The following PACRG variants were observed in gnomAD, a reference collection of about 807,000 sequenced individuals.
PACRG encodes the protein parkin coregulated gene protein.
In PACRG, 29 loss-of-function variants were observed where a neutral mutation model predicts 29.7. The observed-to-expected ratio is 0.98, with a 90% CI of 0.73 to 1.33. The LOEUF (loss-of-function observed/expected upper bound fraction) is 1.33, where lower values mean the gene tolerates loss of function less well. Ranked by LOEUF, PACRG falls within the 40% of genes most tolerant of loss-of-function variation. The pLI is 0.00. For synonymous variants in PACRG, 116 were observed against 118.7 expected, an observed-to-expected ratio of 0.98 and a Z score of 0.15; for missense variants, 279 against 316.2, an observed-to-expected ratio of 0.88 and a Z score of 0.89.
intron 4 of PACRG, among the ~76,000 whole-genome samples, chr6:163,156,167 G>A (rs79788215): frequency 0.011 from 1,734 of 152,284 alleles, 54 homozygotes; most frequent in East Asian, 0.085. Context: ...CTCCATCAGG[G>A]CTGTCAGCCA....
chr6:162,754,601 G>A (rs1024517916), intron 1 of PACRG, among the ~76,000 whole-genome samples: 2 of 151,624 alleles, frequency 1.3e-5, no homozygotes, highest in African/African-American at 4.8e-5. Flanking sequence ...ACCCTTTCAG[G>A]TCTTATAGTT....
intron 2 of PACRG, among the ~76,000 whole-genome samples, chr6:162,922,091 A>G (rs1431880728): frequency 1.3e-5 from 2 of 151,668 alleles, no homozygotes; most frequent in African/African-American, 2.4e-5. Context: ...CTCCCTTACT[A>G]TGAGTTGGTG....
chr6:163,253,628 A>G (rs561019235), intron 4 of PACRG, among the ~76,000 whole-genome samples: 7 of 152,254 alleles, frequency 4.6e-5, no homozygotes, highest in Admixed American at 3.3e-4. Flanking sequence ...GGTCAAATCT[A>G]CCCTAGAAAG....
intron 2 of PACRG, among the ~76,000 whole-genome samples, chr6:162,861,195 C>T (rs971865440): frequency 2.6e-5 from 4 of 152,146 alleles, no homozygotes; most frequent in Non-Finnish European, 4.4e-5. Context: ...TAAATCAGCT[C>T]GAAGTGTAGA....
At chr6:162,806,863 A>G (rs1786384427) in intron 1 of PACRG, among the ~76,000 whole-genome samples, 1 of 152,164 alleles carries the variant, frequency 6.6e-6, no homozygotes, top group African/African-American at 2.4e-5. Flanking sequence ...TATCCTCAGT[A>G]GCTTTAGCAG....
intron 2 of PACRG, among the ~76,000 whole-genome samples, chr6:162,823,655 G>A (rs1788031157): frequency 6.6e-6 from 1 of 151,816 alleles, no homozygotes; most frequent in Non-Finnish European, 1.5e-5. Flanking sequence ...GGGACTACAG[G>A]CGCCCGCCAC....
chr6:162,800,884 T>C (rs1785797525), intron 1 of PACRG, among the ~76,000 whole-genome samples: 1 of 152,008 alleles, frequency 6.6e-6, no homozygotes, highest in South Asian at 2.1e-4. Flanking sequence ...GTTAGAAAGG[T>C]GTAGAAGGAA....
chr6:163,059,461 A>G (rs1157769207), intron 2 of PACRG, among the ~76,000 whole-genome samples: 2 of 152,220 alleles, frequency 1.3e-5, no homozygotes, highest in East Asian at 1.9e-4. Flanking sequence ...TGATAAATAA[A>G]CCAGTTATAG....
intron 1 of PACRG, among the ~76,000 whole-genome samples, chr6:162,785,584 C>T (rs1387045156): frequency 2.1e-4 from 15 of 72,354 alleles, no homozygotes; most frequent in Admixed American, 3.4e-4. Flanking sequence ...TGAAGGGGTG[C>T]GGGGGTTGGG....
intron 4 of PACRG, among the ~76,000 whole-genome samples, chr6:163,237,924 G>A (rs1782317262): frequency 6.6e-6 from 1 of 152,160 alleles, no homozygotes; most frequent in African/African-American, 2.4e-5. Flanking sequence ...ATATTTTCAT[G>A]TGTTATTTAT....
intron 4 of PACRG, among the ~76,000 whole-genome samples, chr6:163,260,295 C>T (rs908645667): frequency 1.3e-5 from 2 of 152,210 alleles, no homozygotes; most frequent in Non-Finnish European, 2.9e-5. Context: ...TCATTTCCTG[C>T]GAGGGGAGCT....
intron 2 of PACRG, among the ~76,000 whole-genome samples, chr6:162,881,964 G>GGGT (rs754404776): frequency 7.6e-6 from 1 of 131,346 alleles, no homozygotes; most frequent in Non-Finnish European, 1.6e-5. Flanking sequence ...AGATGGGTGG[G>GGGT]GGGGGGCACT....
chr6:163,062,684 C>T (rs555980550), intron 3 of PACRG, among the ~76,000 whole-genome samples: 38 of 152,120 alleles, frequency 2.5e-4, no homozygotes, highest in Non-Finnish European at 2.9e-5. Context: ...TTATAAACAC[C>T]GTTATGTTGA....
At chr6:163,095,333 G>A in intron 4 of PACRG, 1 of 985,304 alleles carries the variant, frequency 1.0e-6, no homozygotes, top group Non-Finnish European at 1.2e-6. Flanking sequence ...CTTCTCTGTA[G>A]ACCTCCCTGG....
At position 162,892,136 on chromosome 6, in the gene PACRG, A is replaced by G. The variant is rs550620402; in HGVS notation, c.291+77855A>G. On this transcript the variant is annotated intron_variant, in intron 2 of 4. Transcript: ENST00000366888. Reference sequence around the variant, plus strand: ...GTTACTGTCCCAGTCTGGTCAGCCAACTTCAGCCACACCACCAGTCCGCTT... The same window carrying G: ...GTTACTGTCCCAGTCTGGTCAGCCAGCTTCAGCCACACCACCAGTCCGCTT... The G allele has an allele frequency of 2.0e-5, 3 of 152,520 alleles. No individual in the cohort carries two copies. In the South Asian group the frequency reaches 6.2e-4, roughly 32 times the overall value. The allele number at this position is 152,520 out of a possible 1,614,324, so 9.4% of individuals were successfully genotyped here. A position where few individuals can be genotyped will look rare whatever the true frequency, so the allele number is the denominator to read the frequency against.
intron 2 of PACRG, among the ~76,000 whole-genome samples, chr6:163,037,960 ATAC>A (rs1808360667): frequency 6.6e-6 from 1 of 152,274 alleles, no homozygotes; most frequent in African/African-American, 2.4e-5. Flanking sequence ...TAATTATAAT[ATAC>A]TACTTCTAAT....
chr6:163,313,055 ATCTCTC>A (rs149515340), intron 4 of PACRG, among the ~76,000 whole-genome samples: 1 of 147,930 alleles, frequency 6.8e-6, no homozygotes, highest in South Asian at 2.2e-4. Flanking sequence ...TGTATCCAGC[ATCTCTC>A]TCTCTCTCTC....
intron 4 of PACRG, among the ~76,000 whole-genome samples, chr6:163,308,140 A>G (rs974813567): frequency 6.6e-6 from 1 of 152,202 alleles, no homozygotes; most frequent in African/African-American, 2.4e-5. Flanking sequence ...CCCTTTCTTA[A>G]TTCATATTAA....
chr6:162,922,743 G>A (rs1015698387), intron 2 of PACRG, among the ~76,000 whole-genome samples: 1 of 152,080 alleles, frequency 6.6e-6, no homozygotes, highest in Non-Finnish European at 1.5e-5. Flanking sequence ...TGAATAATAG[G>A]ATTTTATTCT....
Sources: gnomAD v4.1 joint callset for allele counts (sites outside exome capture counted in the v4.1 genomes callset) on GRCh38, gnomAD v4.1.1 for gene constraint, MANE v1.5 for transcripts, NCBI Gene and HGNC (gene_info 2026-07-23, HGNC 2026-07-21) for gene names.